NBAS: variants seen among roughly 807,000 people sequenced by gnomAD.
NBAS encodes NBAS subunit of NRZ tethering complex, also known as NAG/BC035112 fusion.
Under a neutral mutation model 302.5 loss-of-function variants are expected in NBAS, and 219 were observed. The ratio of observed to expected loss-of-function variants is 0.72; its 90% CI spans 0.65 to 0.81. The LOEUF (loss-of-function observed/expected upper bound fraction) is 0.81. Among genes scored for constraint, NBAS ranks in the 30% least tolerant of loss-of-function variants. NBAS has a pLI of 0.00. For missense variants in NBAS, 2,932 were observed against 2,841.6 expected (o/e 1.03, Z -0.72); for synonymous variants, 1,118 against 1,021.6 (o/e 1.09, Z -1.80).
At chr2:14,813,045 G>C in the NBAS span, among the ~76,000 whole-genome samples, 1 of 152,160 alleles carries the variant, frequency 6.6e-6, no homozygotes, top group African/African-American at 2.4e-5. Flanking sequence ...CTTCTGCCAT[G>C]ATTGTAAGTT....
chr2:15,165,322 A>G (rs1224373289), downstream of NBAS, among the ~76,000 whole-genome samples: 1 of 152,214 alleles, frequency 6.6e-6, no homozygotes, highest in Non-Finnish European at 1.5e-5. Context: ...CTGTCTGGAC[A>G]GGTGTTACCT....
At chr2:15,009,786 A>G in the NBAS span, among the ~76,000 whole-genome samples, 1 of 150,928 alleles carries the variant, frequency 6.6e-6, no homozygotes, top group African/African-American at 2.4e-5. Flanking sequence ...AGCCTGTGTC[A>G]GTTTCCCATA....
chr2:14,954,264 T>C, the NBAS span, among the ~76,000 whole-genome samples: 3 of 152,178 alleles, frequency 2.0e-5, no homozygotes, highest in African/African-American at 7.2e-5. Flanking sequence ...AGGTCTGCTA[T>C]GTGGAAAGTG....
At chr2:14,982,246 T>C in the NBAS span, among the ~76,000 whole-genome samples, 7 of 152,118 alleles carry the variant, frequency 4.6e-5, no homozygotes, top group African/African-American at 1.7e-4. Context: ...CCGCCATCAC[T>C]GTGCAGAACA....
intron 32 of NBAS, among the ~76,000 whole-genome samples, chr2:15,361,977 T>A (rs1219364147): frequency 1.4e-4 from 20 of 147,504 alleles, no homozygotes; most frequent in Admixed American, 1.3e-3. Context: ...TGAAACTCCA[T>A]CTCAAAAAAA....
chr2:15,004,033 T>G, the NBAS span, among the ~76,000 whole-genome samples: 7 of 152,366 alleles, frequency 4.6e-5, no homozygotes, highest in South Asian at 2.1e-4. Context: ...TTTAAAATAT[T>G]TTTAGGCCAC....
chr2:15,122,123 T>TG, the NBAS span, among the ~76,000 whole-genome samples: 29 of 147,982 alleles, frequency 2.0e-4, no homozygotes, highest in East Asian at 5.4e-3. Context: ...GATGGAGGAC[T>TG]CCGTTAGCCT....
At chr2:14,985,239 T>G in the NBAS span, among the ~76,000 whole-genome samples, 1 of 152,048 alleles carries the variant, frequency 6.6e-6, no homozygotes, top group Non-Finnish European at 1.5e-5. Context: ...TTTGGTCCTA[T>G]AATGAGAAGA....
At chr2:15,459,883 T>A (rs1679431202) in intron 21 of NBAS, among the ~76,000 whole-genome samples, 1 of 152,120 alleles carries the variant, frequency 6.6e-6, no homozygotes, top group South Asian at 2.1e-4. Context: ...GACCTACAAC[T>A]TAAAGTAAAT....
intron 48 of NBAS, among the ~76,000 whole-genome samples, chr2:15,218,339 T>C (rs375158872): frequency 2.0e-5 from 3 of 152,186 alleles, no homozygotes; most frequent in Middle Eastern, 3.4e-3. Context: ...AGCTGATTGA[T>C]ATATATACTG....
At chr2:15,309,525 T>C (rs1671185280) in intron 38 of NBAS, among the ~76,000 whole-genome samples, 1 of 152,208 alleles carries the variant, frequency 6.6e-6, no homozygotes. Context: ...TGAGAGAGGC[T>C]GGTTTCCTAG....
At chr2:15,349,368 T>G (rs913513308) in intron 35 of NBAS, among the ~76,000 whole-genome samples, 2 of 152,106 alleles carry the variant, frequency 1.3e-5, no homozygotes, top group Non-Finnish European at 2.9e-5. Context: ...AGCAAAGAAA[T>G]GTAATGTGTT....
chr2:15,034,046 G>C, the NBAS span, among the ~76,000 whole-genome samples: 1 of 83,502 alleles, frequency 1.2e-5, no homozygotes, highest in South Asian at 4.3e-4. Context: ...GAAGGAGGAG[G>C]AGGAGGAGGA....
intron 35 of NBAS, among the ~76,000 whole-genome samples, chr2:15,347,071 T>C (rs1432609445): frequency 6.6e-6 from 1 of 152,114 alleles, no homozygotes; most frequent in Non-Finnish European, 1.5e-5. Flanking sequence ...ATGGCACACA[T>C]ATACCTATGT....
Position 15,252,369 on chromosome 2 carries a change from G to A in NBAS, c.5725-13683C>T, listed in dbSNP as rs1332862020. Among the ~76,000 whole-genome samples, 5 of 152,102 alleles carry A rather than the reference G, an allele frequency of 3.3e-5. No homozygotes were observed. The East Asian group carries it at 5.8e-4, about 18-fold the overall frequency. On this transcript the variant is annotated intron_variant, in intron 44 of 51. Transcript: ENST00000281513. ...CAAAATTAGCCGGGCGTGGTGGCGCGTGCCTGTAATCCCAACTACTCAGGA... is the reference window on the plus strand; with the variant it reads ...CAAAATTAGCCGGGCGTGGTGGCGCATGCCTGTAATCCCAACTACTCAGGA...
the NBAS span, among the ~76,000 whole-genome samples, chr2:15,069,862 T>C: frequency 9.2e-4 from 140 of 152,188 alleles, 2 homozygotes; most frequent in Non-Finnish European, 1.1e-3. Context: ...AGCATTATGA[T>C]AGCGAGGCAG....
intron 48 of NBAS, among the ~76,000 whole-genome samples, chr2:15,192,832 G>A (rs992351299): frequency 8.5e-5 from 13 of 152,140 alleles, no homozygotes; most frequent in Admixed American, 8.5e-4. Flanking sequence ...TTAGTAACAA[G>A]TAGTTTCTCC....
the NBAS span, among the ~76,000 whole-genome samples, chr2:14,965,820 A>G: frequency 5.3e-5 from 8 of 152,314 alleles, no homozygotes; most frequent in African/African-American, 1.7e-4. Context: ...TTTTAAAATA[A>G]TACTTCATGA....
intron 9 of NBAS, among the ~76,000 whole-genome samples, chr2:15,523,476 T>C (rs1347766211): frequency 1.3e-5 from 2 of 151,932 alleles, no homozygotes; most frequent in Non-Finnish European, 2.9e-5. Context: ...TGATGTGAAA[T>C]ACACAGGAGG....
Sources: allele counts gnomAD v4.1 joint callset (sites outside exome capture counted in the v4.1 genomes callset), GRCh38; gene constraint gnomAD v4.1.1; transcripts MANE v1.5; gene names NCBI Gene and HGNC (gene_info 2026-07-23, HGNC 2026-07-21).